The following PGLYRP3 variants were observed in gnomAD, a reference collection of about 807,000 sequenced individuals.
PGLYRP3 encodes peptidoglycan recognition protein 3, also known as peptidoglycan recognition protein I alpha.
In PGLYRP3, 39 loss-of-function variants were observed where a neutral mutation model predicts 36.0. The ratio of observed to expected loss-of-function variants is 1.08; its 90% confidence interval spans 0.84 to 1.41. The LOEUF (loss-of-function observed/expected upper bound fraction) is 1.41, where lower values mean the gene tolerates loss of function less well. Ranked by LOEUF, PGLYRP3 falls within the 40% of genes most tolerant of loss-of-function variation. The pLI is 0.00. For missense variants in PGLYRP3, 407 were observed against 427.9 expected (o/e 0.95, Z 0.43); for synonymous variants, 204 against 172.8 (o/e 1.18, Z -1.42).
chr1:153,311,518 C>T (rs756594551), intron 1 of PGLYRP3, among the ~76,000 whole-genome samples: 89 of 152,232 alleles, frequency 5.8e-4, no homozygotes, highest in Admixed American at 5.2e-4. Context: ...TTCTGATGGA[C>T]GTTCTCAATG....
At position 153,305,067 on chromosome 1, in the gene PGLYRP3, T is replaced by C; in HGVS notation, c.258-2A>G. ...CTGCCATCATCCCCAACCAGGAAGC[T>C]GACAAGAAGGAAATAATGATTTTAC... On this transcript the variant is annotated splice_acceptor_variant, in intron 3 of 7. Transcript: ENST00000683862. LOFTEE classifies it high-confidence loss of function. 8 of 1,605,960 alleles carry C rather than the reference T, an allele frequency of 5.0e-6. No homozygotes were observed. The highest frequency in any genetic ancestry group is 5.1e-6 in the Non-Finnish European group (6 of 1,176,592).
intron 2 of PGLYRP3, among the ~76,000 whole-genome samples, chr1:153,307,911 G>C (rs9970937): frequency 6.6e-6 from 1 of 151,900 alleles, no homozygotes; most frequent in Non-Finnish European, 1.5e-5. Context: ...CCCCAGGAGC[G>C]CTCTGAGGGA....
At chr1:153,310,349 A>G (rs1438451663) in intron 2 of PGLYRP3, among the ~76,000 whole-genome samples, 2 of 152,206 alleles carry the variant, frequency 1.3e-5, no homozygotes, top group African/African-American at 4.8e-5. Context: ...CTCAAAAACA[A>G]CTCTAAGAAA....
At chr1:153,309,132 AT>A (rs1659833883) in intron 2 of PGLYRP3, among the ~76,000 whole-genome samples, 1 of 152,216 alleles carries the variant, frequency 6.6e-6, no homozygotes, top group Admixed American at 6.5e-5. Context: ...GCCTGTCCTT[AT>A]CCCCCATTGC....
intron 3 of PGLYRP3, 140 bp downstream of exon 3, chr1:153,306,916 CGGATTTTGTT>C: frequency 1.3e-6 from 1 of 771,042 alleles, no homozygotes; most frequent in Non-Finnish European, 2.1e-6. Context: ...CCGAAGGATT[CGGATTTTGTT>C]TGATTCCCCT....
At chr1:153,302,202 CT>C (rs993449315) in intron 6 of PGLYRP3, among the ~76,000 whole-genome samples, 1 of 152,198 alleles carries the variant, frequency 6.6e-6, no homozygotes, top group African/African-American at 2.4e-5. Context: ...TTCCCAACCA[CT>C]TGTGGAGATA....
intron 1 of PGLYRP3, 38 bp from the exon 2 acceptor site, chr1:153,310,744 C>T: frequency 1.5e-6 from 2 of 1,315,536 alleles, no homozygotes; most frequent in Non-Finnish European, 2.2e-6. Context: ...ACCATGCTAA[C>T]TCTGCAAGTG....
intron 2 of PGLYRP3, among the ~76,000 whole-genome samples, chr1:153,307,975 C>T (rs976333373): frequency 1.3e-5 from 2 of 149,178 alleles, no homozygotes; most frequent in South Asian, 2.1e-4. Flanking sequence ...TCTTTTCTCT[C>T]TGGGTTTTTT....
chr1:153,306,640 G>A (rs936769367), intron 3 of PGLYRP3, among the ~76,000 whole-genome samples: 1 of 152,140 alleles, frequency 6.6e-6, no homozygotes, highest in Non-Finnish European at 1.5e-5. Context: ...TCCTCTCTCT[G>A]AGCAGAGCTT....
At chr1:153,307,003 G>A (rs1659754456) in intron 3 of PGLYRP3, 63 bp downstream of exon 3, 1 of 1,494,610 alleles carries the variant, frequency 6.7e-7, no homozygotes, top group East Asian at 2.3e-5. Flanking sequence ...CACAGAGAAG[G>A]GGAAGTGGGA....
At chr1:153,302,720 C>T (rs1341403343) in intron 5 of PGLYRP3, 113 bp from the exon 6 acceptor site, 14 of 935,266 alleles carry the variant, frequency 1.5e-5, no homozygotes, top group East Asian at 9.9e-5. Context: ...CCAGCACCCA[C>T]GGGCACATCC....
intron 3 of PGLYRP3, among the ~76,000 whole-genome samples, chr1:153,306,796 G>C (rs2101522017): frequency 6.6e-6 from 1 of 152,272 alleles, no homozygotes; most frequent in Non-Finnish European, 1.5e-5. Flanking sequence ...TGAGTTCCAA[G>C]GACTCAGTTA....
intron 4 of PGLYRP3, 113 bp from the exon 5 acceptor site, chr1:153,304,122 G>A: frequency 9.9e-7 from 1 of 1,014,790 alleles, no homozygotes; most frequent in African/African-American, 1.6e-5. Flanking sequence ...GATTGGAAGA[G>A]AGGAAACTGG....
intron 2 of PGLYRP3, 144 bp from the exon 3 acceptor site, chr1:153,307,411 G>C: frequency 1.4e-6 from 1 of 730,902 alleles, no homozygotes; most frequent in South Asian, 1.8e-5. Flanking sequence ...CACCACCAAA[G>C]CCCCCTCCTT....
In PGLYRP3 at chr1:153,298,152, C is replaced by T. The variant is rs1659489495; in HGVS notation, c.848-18G>A. 4 of 1,612,818 alleles carry T rather than the reference C, an allele frequency of 2.5e-6. No homozygotes were observed. Among genetic ancestry groups the T allele is most frequent in the Non-Finnish European group, 3.4e-6 (4 of 1,179,290 alleles). ...AGGCTTTTCTGCAAAACACATTTTCCCCATCAGTCATTAGGGGCTCAAAGT... is the reference window on the plus strand; with the variant it reads ...AGGCTTTTCTGCAAAACACATTTTCTCCATCAGTCATTAGGGGCTCAAAGT... On this transcript the variant is annotated intron_variant, in intron 7 of 7. Transcript: ENST00000683862.
intron 3 of PGLYRP3, 92 bp downstream of exon 3, chr1:153,306,974 A>C: frequency 8.8e-7 from 1 of 1,132,830 alleles, no homozygotes; most frequent in Non-Finnish European, 1.2e-6. Flanking sequence ...AATGTAAATG[A>C]AGCGCAGAAA....
At chr1:153,303,676 T>A (rs1428739211) in intron 5 of PGLYRP3, among the ~76,000 whole-genome samples, 181 bp downstream of exon 5, 1 of 152,216 alleles carries the variant, frequency 6.6e-6, no homozygotes, top group Non-Finnish European at 1.5e-5. Flanking sequence ...CTCATTCTGA[T>A]GGGATGGAGA....
intron 5 of PGLYRP3, 74 bp downstream of exon 5, chr1:153,303,783 G>C: frequency 1.3e-6 from 2 of 1,495,470 alleles, no homozygotes; most frequent in Non-Finnish European, 1.8e-6. Flanking sequence ...ACAGGAAAAA[G>C]CACTCCCAAA....
In PGLYRP3 at chr1:153,299,237, G is replaced by A. The variant is rs190690639; in HGVS notation, c.729-6C>T. ...CATCCTGGCCCACCAGGAAGCTTAGGTCAGGAAAAGAAAATGAAGACAGTC... is the reference window on the plus strand; with the variant it reads ...CATCCTGGCCCACCAGGAAGCTTAGATCAGGAAAAGAAAATGAAGACAGTC... On this transcript the variant is annotated splice_polypyrimidine_tract_variant and splice_region_variant and intron_variant, in intron 6 of 7. Transcript: ENST00000683862. The A allele has an allele frequency of 2.2e-3, 3,460 of 1,608,574 alleles. 4 individuals carry two copies. Among genetic ancestry groups the A allele is most frequent in the Non-Finnish European group, 2.6e-3 (3,007 of 1,175,248 alleles).
Sources: allele counts gnomAD v4.1 joint callset (sites outside exome capture counted in the v4.1 genomes callset), GRCh38; gene constraint gnomAD v4.1.1; transcripts MANE v1.5; gene names NCBI Gene and HGNC (gene_info 2026-07-23, HGNC 2026-07-21).